Variants in FGFR3 observed in about 807,000 individuals in gnomAD.
FGFR3 encodes FGFR-3.
In FGFR3, 25 loss-of-function variants were observed where a neutral mutation model predicts 82.9. The observed-to-expected ratio is 0.30, with a 90% CI of 0.22 to 0.42. FGFR3 has a LOEUF of 0.42. Among genes scored for constraint, FGFR3 ranks in the 10% least tolerant of loss-of-function variants. FGFR3 has a pLI of 1.00. For synonymous variants in FGFR3, 620 were observed against 516.0 expected (o/e 1.20, Z -2.73); for missense variants, 1,026 against 1,161.0 (o/e 0.88, Z 1.69).
chr4:1,804,708 A>T, intron 9 of FGFR3, 116 bp from the exon 10 acceptor site: 1 of 1,440,790 alleles, frequency 6.9e-7, no homozygotes, highest in South Asian at 1.2e-5. Flanking sequence ...AAAAATCTTC[A>T]TTCAATGCTG....
At chr4:1,796,504 C>T (rs1432726514) in intron 2 of FGFR3, among the ~76,000 whole-genome samples, 3 of 152,074 alleles carry the variant, frequency 2.0e-5, no homozygotes, top group African/African-American at 7.2e-5. Flanking sequence ...GTGTTGTTTC[C>T]TGACCCCAGG....
chr4:1,804,983 A>ACCCT lies in FGFR3; in HGVS notation c.1412+14_1412+15insCCCT. The stretch of plus-strand genomic sequence containing the variant: ...GTCTCGGGCCCGGTCAGTGGTGCTG[A>ACCCT]GGGCCAGCGTTGGCTGTAGGGGGCT... On this transcript the variant is annotated intron_variant, in intron 10 of 17. Transcript: ENST00000440486. 6.5e-7 allele frequency: 1 copy of ACCCT among 1,542,936 alleles called. No homozygotes were observed. The highest frequency in any genetic ancestry group is 8.8e-7 in the Non-Finnish European group (1 of 1,141,774).
rs772639573 is a variant in FGFR3 at position 1,805,883 on chromosome 4, C to T, written c.1779C>T (p.Asp593=). The change falls in exon 13 of 18, where the codon GAC becomes GAT. Residue 593 remains aspartate, a synonymous_variant. Coordinates refer to ENST00000440486, the MANE Select transcript of FGFR3 (RefSeq NM_000142.5). The part of the protein sequence containing the change: ...KPPEEQLTFK[D]LVSCAYQVAR... ...CCGAGGAGCAGCTCACCTTCAAGGA[C>T]CTGGTGTCCTGTGCCTACCAGGTGG... 6.8e-6 allele frequency: 11 copies of T among 1,612,690 alleles called. No homozygotes were observed. Among genetic ancestry groups the T allele is most frequent in the Admixed American group, 1.7e-5 (1 of 59,996 alleles).
rs1447448915 is a variant in FGFR3, at chr4:1,808,062, T to A, written c.*800T>A. 1 of 233,316 alleles carries A rather than the reference T, an allele frequency of 4.3e-6. No individual in the cohort carries two copies. The highest frequency in any genetic ancestry group is 6.0e-5 in the East Asian group (1 of 16,558). 14.5% of individuals were successfully genotyped at this position (233,316 alleles called of 1,614,324 possible). A position where few individuals can be genotyped will look rare whatever the true frequency, so the allele number is the denominator to read the frequency against. On this transcript the variant is annotated 3_prime_UTR_variant, in exon 18 of 18. Transcript: ENST00000440486. Reference sequence around the variant, plus strand: ...CCATGCAAGCAGAGGACCAGGGCCTTTTCTGGCACCGCAGTTTTGTTTTAA... The same window carrying A: ...CCATGCAAGCAGAGGACCAGGGCCTATTCTGGCACCGCAGTTTTGTTTTAA...
intron 13 of FGFR3, 50 bp downstream of exon 13, chr4:1,805,990 A>T: frequency 4.3e-6 from 7 of 1,610,870 alleles, no homozygotes; most frequent in Non-Finnish European, 5.9e-6. Flanking sequence ...CTGCCCTGAG[A>T]TGCTGGGAGC....
chr4:1,799,111 A>G, intron 2 of FGFR3, 143 bp from the exon 3 acceptor site: 2 of 1,170,236 alleles, frequency 1.7e-6, no homozygotes, highest in Non-Finnish European at 2.5e-6. Flanking sequence ...TTTGGGACAC[A>G]GTTTCCAGCC....
rs587778817 is a variant in FGFR3, at chr4:1,803,744, A to G, written c.983A>G (p.Asn328Ser). The G allele has an allele frequency of 5.6e-6, 9 of 1,613,884 alleles. No individual in the cohort carries two copies. Among genetic ancestry groups the G allele is most frequent in the Non-Finnish European group, 7.6e-6 (9 of 1,180,022 alleles). Residue 328 changes from asparagine (N) to serine (S), a missense_variant, in exon 8 of 18, where the codon AAC becomes AGC. Asn to Ser is a conservative substitution (Grantham distance 46). Around this residue, in one of 9 missense-constraint regions of FGFR3, gnomAD observed 256 missense variants for 217.6 expected, o/e 1.18. Transcript: ENST00000440486. Reference protein sequence around the residue: ...DKELEVLSLHNVTFEDAGEYT... With the variant: ...DKELEVLSLHSVTFEDAGEYT... ...GAGCTAGAGGTTCTCTCCTTGCACAACGTCACCTTTGAGGACGCCGGGGAG... is the reference window on the plus strand; with the variant it reads ...GAGCTAGAGGTTCTCTCCTTGCACAGCGTCACCTTTGAGGACGCCGGGGAG...
rs144242294 is a variant in FGFR3 at position 1,804,920 on chromosome 4, T to G, written c.1363T>G (p.Ser455Ala). The stretch of plus-strand genomic sequence containing the variant: ...GGAGGGCCCCACGCTGGCCAATGTC[T>G]CCGAGCTCGAGCTGCCTGCCGACCC... The part of the protein sequence containing the change: ...SGEGPTLANV[S>A]ELELPADPKW... Residue 455 changes from serine to alanine, a missense_variant, in exon 10 of 18, where the codon TCC (serine) becomes GCC (alanine). Ser to Ala is a moderately conservative substitution (Grantham distance 99, BLOSUM62 1). Coordinates refer to ENST00000440486, the MANE Select transcript of FGFR3 (RefSeq NM_000142.5). The G allele has an allele frequency of 1.3e-6, 2 of 1,549,168 alleles. No individual in the cohort carries two copies. Among genetic ancestry groups the G allele is most frequent in the African/African-American group, 2.7e-5 (2 of 72,776 alleles).
rs1309809400 is a variant in FGFR3 at position 1,804,401 on chromosome 4, T to C, written c.1147T>C (p.Phe383Leu). The C allele has an allele frequency of 6.2e-6, 10 of 1,613,134 alleles. No individual in the cohort carries two copies. The highest frequency in any genetic ancestry group is 1.1e-5 in the South Asian group (1 of 91,018). The change falls in exon 9 of 18, where the codon TTC becomes CTC. Residue 383 changes from phenylalanine (F) to leucine (L), a missense_variant. Physicochemically the swap from Phe to Leu is conservative, Grantham distance 22 (BLOSUM62 0). This residue lies in a region of FGFR3 where 256 missense variants were observed against 217.6 expected (regional missense o/e 1.18). Coordinates refer to ENST00000440486, the MANE Select transcript of FGFR3 (RefSeq NM_000142.5). ...AGGCATCCTCAGCTACGGGGTGGGC[T>C]TCTTCCTGTTCATCCTGGTGGTGGC... Reference protein sequence around the residue: ...YAGILSYGVGFFLFILVVAAV... With the variant: ...YAGILSYGVGLFLFILVVAAV...
At chr4:1,795,795 A>G (rs1306945837) in intron 2 of FGFR3, among the ~76,000 whole-genome samples, 1 of 152,178 alleles carries the variant, frequency 6.6e-6, no homozygotes, top group Non-Finnish European at 1.5e-5. Context: ...CCCACCCAGC[A>G]GGGGTCTGGG....
intron 2 of FGFR3, among the ~76,000 whole-genome samples, chr4:1,794,729 GGCGCCCGGCCGGACCT>G (rs1405020107): frequency 2.0e-5 from 3 of 152,076 alleles, no homozygotes; most frequent in Non-Finnish European, 4.4e-5. Context: ...GAGGGGAAGG[GGCGCCCGGCCGGACCT>G]GCACACGCGC....
intron 6 of FGFR3, 27 bp from the exon 7 acceptor site, chr4:1,801,808 G>A: frequency 5.6e-6 from 9 of 1,600,196 alleles, no homozygotes; most frequent in Non-Finnish European, 6.8e-6. Flanking sequence ...GGAGGGGGTG[G>A]CCCCTGAGCG....
At chr4:1,796,174 G>C (rs961093038) in intron 2 of FGFR3, among the ~76,000 whole-genome samples, 10 of 152,176 alleles carry the variant, frequency 6.6e-5, no homozygotes, top group African/African-American at 2.4e-4. Context: ...TGGTGGGGTA[G>C]GGGTCAGCCT....
At chr4:1,796,161 C>T (rs986432527) in intron 2 of FGFR3, among the ~76,000 whole-genome samples, 13 of 152,152 alleles carry the variant, frequency 8.5e-5, no homozygotes, top group African/African-American at 2.9e-4. Context: ...GTGGAGCCAC[C>T]TTTGGTGGGG....
At chr4:1,807,037 G>A (rs2108816145) in intron 17 of FGFR3, 79 bp from the exon 18 acceptor site, 3 of 1,551,444 alleles carry the variant, frequency 1.9e-6, no homozygotes, top group Non-Finnish European at 2.6e-6. Flanking sequence ...CGGGCCTTCT[G>A]GGGCACAGCC....
chr4:1,801,249 T>G (rs542056266), intron 4 of FGFR3, 118 bp from the exon 5 acceptor site: 2 of 1,183,824 alleles, frequency 1.7e-6, no homozygotes, highest in African/African-American at 3.0e-5. Context: ...GCCCTCTTCC[T>G]ACACAGGACG....
In FGFR3 at chr4:1,805,677, C is replaced by T. The variant is rs372987620; in HGVS notation, c.1645+8C>T. ...GCGCCTGCACGCAGGGCGGTAGGTG[C>T]GGTAGCGGCGGTGGTGCCGGCTGGG... On this transcript the variant is annotated splice_region_variant and intron_variant, in intron 12 of 17. Transcript: ENST00000440486. 37 of 1,611,706 alleles carry T rather than the reference C, an allele frequency of 2.3e-5. No homozygotes were observed. Among genetic ancestry groups the T allele is most frequent in the Middle Eastern group, 1.6e-4 (1 of 6,082 alleles).
At chr4:1,800,482 C>T (rs1209754097) in intron 4 of FGFR3, among the ~76,000 whole-genome samples, 1 of 151,938 alleles carries the variant, frequency 6.6e-6, no homozygotes, top group Non-Finnish European at 1.5e-5. Flanking sequence ...GCGCTGGGTC[C>T]CTGGGCCAGT....
chr4:1,807,558 G>A lies in FGFR3; in HGVS notation c.*296G>A, dbSNP rs1431982873. 6 of 709,234 alleles carry A rather than the reference G, an allele frequency of 8.5e-6. No individual in the cohort carries two copies. Among genetic ancestry groups the A allele is most frequent in the Non-Finnish European group, 1.3e-5 (5 of 383,266 alleles). 43.9% of individuals were successfully genotyped at this position (709,234 alleles called of 1,614,324 possible). A position where few individuals can be genotyped will look rare whatever the true frequency, so the allele number is the denominator to read the frequency against. ...CTTTGTTCTGGGGGGACCCAGTGCA[G>A]AATGTAAGTGGGCCCACCCGGTGGG... On this transcript the variant is annotated 3_prime_UTR_variant, in exon 18 of 18. Transcript: ENST00000440486.
Sources: gnomAD v4.1 joint callset for allele counts (sites outside exome capture counted in the v4.1 genomes callset) on GRCh38, gnomAD v4.1.1 for gene constraint, gnomAD v4.1.1 regional missense constraint, MANE v1.5 for transcripts, NCBI Gene and HGNC (gene_info 2026-07-23, HGNC 2026-07-21) for gene names.